Variants in CHODL observed in about 807,000 individuals in gnomAD.
CHODL encodes the protein transmembrane protein MT75.
A neutral mutation model predicts 34.5 loss-of-function variants in CHODL; 29 were observed. The ratio of observed to expected loss-of-function variants is 0.84; its 90% CI spans 0.63 to 1.15. CHODL has a LOEUF of 1.15. Ranked by LOEUF, CHODL falls within the 50% of genes most tolerant of loss-of-function variation. The probability of loss-of-function intolerance (pLI) is 0.00; values close to 1 mark genes in which losing one functional copy is unlikely to be tolerated. For missense variants in CHODL, 332 were observed against 332.5 expected, an observed-to-expected ratio of 1.00 and a Z score of 0.01; for synonymous variants, 125 against 116.1, an observed-to-expected ratio of 1.08 and a Z score of -0.49.
chr21:18,213,699 T>C (rs1471576278), intron 2 of CHODL, among the ~76,000 whole-genome samples: 1 of 152,116 alleles, frequency 6.6e-6, no homozygotes, highest in Non-Finnish European at 1.5e-5. Flanking sequence ...GAATTATGGC[T>C]GGGTATCTTC....
intron 2 of CHODL, among the ~76,000 whole-genome samples, chr21:18,098,295 T>C (rs1163172152): frequency 6.6e-6 from 1 of 151,926 alleles, no homozygotes; most frequent in Non-Finnish European, 1.5e-5. Flanking sequence ...GGGAGAAATA[T>C]TTGCAGACTA....
intron 2 of CHODL, among the ~76,000 whole-genome samples, chr21:18,094,536 C>T (rs1466251565): frequency 6.6e-6 from 1 of 151,944 alleles, no homozygotes; most frequent in African/African-American, 2.4e-5. Context: ...TAAAACTAGA[C>T]ACCAATAAAG....
intron 2 of CHODL, among the ~76,000 whole-genome samples, chr21:18,108,382 T>A (rs2065301893): frequency 6.6e-6 from 1 of 152,172 alleles, no homozygotes; most frequent in Non-Finnish European, 1.5e-5. Flanking sequence ...TTCTTTCTTA[T>A]CCCTAAAACA....
intron 1 of CHODL, among the ~76,000 whole-genome samples, chr21:18,249,682 G>C (rs1292568873): frequency 6.6e-6 from 1 of 152,106 alleles, no homozygotes; most frequent in Non-Finnish European, 1.5e-5. Context: ...AGACAGCATA[G>C]AAACCTGGTA....
In CHODL at chr21:18,215,199, GA is replaced by G. The variant is rs76175429; in HGVS notation, c.-44-41297del. Among the ~76,000 whole-genome samples, 610 of 138,680 alleles carry G rather than the reference GA, an allele frequency of 4.4e-3. 5 individuals are homozygous for G. The highest frequency in any genetic ancestry group is 0.029 in the East Asian group (137 of 4,756). The allele number at this position is 138,680 out of a possible 152,430, so 91.0% of individuals were successfully genotyped here. A position where few individuals can be genotyped will look rare whatever the true frequency, so the allele number is the denominator to read the frequency against. ...CAGGCTTATTTGCTTTCTCAAACAT[GA>G]AAAAAAAAAAAAGGTTTTATCAGAA... is the stretch of plus-strand genomic sequence containing the variant. On this transcript the variant is annotated intron_variant, in intron 2 of 6. Transcript: ENST00000400127.
chr21:18,151,347 G>T (rs958797479), intron 2 of CHODL, among the ~76,000 whole-genome samples: 1 of 151,892 alleles, frequency 6.6e-6, no homozygotes, highest in Non-Finnish European at 1.5e-5. Flanking sequence ...TTCCCTAAAA[G>T]GCCCAAAAGA....
intron 2 of CHODL, among the ~76,000 whole-genome samples, chr21:18,031,320 T>C (rs1009892447): frequency 7.9e-5 from 12 of 152,138 alleles, no homozygotes; most frequent in South Asian, 2.1e-4. Context: ...ATTTTCACTC[T>C]GAAAATACTT....
At chr21:17,930,953 G>A (rs546258792) in intron 1 of CHODL, among the ~76,000 whole-genome samples, 11 of 152,304 alleles carry the variant, frequency 7.2e-5, no homozygotes, top group African/African-American at 2.6e-4. Flanking sequence ...CCTGGCTTTC[G>A]GTGACATTGT....
At chr21:17,941,198 C>A (rs1001232008) in intron 1 of CHODL, among the ~76,000 whole-genome samples, 30 of 151,662 alleles carry the variant, frequency 2.0e-4, no homozygotes, top group Admixed American at 8.5e-4. Context: ...CTCTTATGTT[C>A]CTTTAGTTCA....
intron 1 of CHODL, among the ~76,000 whole-genome samples, chr21:18,004,405 TAAAG>T (rs2063940666): frequency 6.6e-6 from 1 of 152,204 alleles, no homozygotes; most frequent in Admixed American, 6.5e-5. Flanking sequence ...CAAGGATTAA[TAAAG>T]AAAGCACGTA....
intron 2 of CHODL, chr21:18,099,832 A>T (rs2065190095): frequency 6.6e-6 from 1 of 152,148 alleles, no homozygotes; most frequent in Non-Finnish European, 1.5e-5. Flanking sequence ...GAAACGACAC[A>T]TGTATTCCAG....
chr21:18,049,655 CCTT>C, intron 2 of CHODL, among the ~76,000 whole-genome samples: 1 of 151,924 alleles, frequency 6.6e-6, no homozygotes, highest in Non-Finnish European at 1.5e-5. Context: ...ATGGCTGCCT[CCTT>C]ACTGTGTCCT....
chr21:18,058,502 G>A (rs931305219), intron 2 of CHODL, among the ~76,000 whole-genome samples: 6 of 152,064 alleles, frequency 3.9e-5, no homozygotes, highest in Admixed American at 1.3e-4. Context: ...ATACACAATG[G>A]CCATAAAAAA....
At chr21:17,930,082 C>G (rs1000170241) in intron 1 of CHODL, among the ~76,000 whole-genome samples, 1 of 145,762 alleles carries the variant, frequency 6.9e-6, no homozygotes, top group Non-Finnish European at 1.5e-5. Context: ...GCTGCTGTTG[C>G]TGCAACTGCC....
chr21:18,265,247 GTGTATATATA>G (rs2074441917), intron 5 of CHODL, among the ~76,000 whole-genome samples: 3 of 142,040 alleles, frequency 2.1e-5, no homozygotes, highest in African/African-American at 8.1e-5. Flanking sequence ...ATATATATAT[GTGTATATATA>G]TGTGTATATA....
intron 1 of CHODL, among the ~76,000 whole-genome samples, chr21:18,254,067 A>G (rs1157184188): frequency 6.6e-6 from 1 of 151,996 alleles, no homozygotes; most frequent in African/African-American, 2.4e-5. Context: ...TGCTGACTCC[A>G]GAAAGGAATG....
intron 2 of CHODL, among the ~76,000 whole-genome samples, chr21:18,111,574 T>C (rs1219631142): frequency 6.6e-6 from 1 of 152,134 alleles, no homozygotes; most frequent in Non-Finnish European, 1.5e-5. Context: ...TGGCTGTCAT[T>C]TCCTTAAGCC....
At chr21:17,981,141 A>G (rs2063710587) in intron 1 of CHODL, among the ~76,000 whole-genome samples, 1 of 146,164 alleles carries the variant, frequency 6.8e-6, no homozygotes, top group Non-Finnish European at 1.5e-5. Flanking sequence ...TATGGAAAAC[A>G]TATGAATAGA....
chr21:17,940,010 C>T (rs930523255), intron 1 of CHODL, among the ~76,000 whole-genome samples: 2 of 152,158 alleles, frequency 1.3e-5, no homozygotes, highest in Non-Finnish European at 2.9e-5. Flanking sequence ...GGTTTGTGAA[C>T]TTAGAAGGGC....
Sources: allele counts gnomAD v4.1 joint callset (sites outside exome capture counted in the v4.1 genomes callset), GRCh38; gene constraint gnomAD v4.1.1; transcripts MANE v1.5; gene names NCBI Gene and HGNC (gene_info 2026-07-23, HGNC 2026-07-21).